Variants in ACAT2 observed in about 807,000 individuals in gnomAD.
ACAT2 encodes the protein acetyl-CoA acetyltransferase, cytosolic.
Under a neutral mutation model 37.1 loss-of-function variants are expected in ACAT2, and 26 were observed. That is an observed-to-expected ratio of 0.70 (90% CI 0.51 to 0.97). The LOEUF is 0.97. ACAT2 is among the 50% of genes least tolerant of loss of function. The pLI is 0.00. For missense variants in ACAT2, 468 were observed against 489.0 expected, an observed-to-expected ratio of 0.96 and a Z score of 0.40; for synonymous variants, 156 against 163.6, an observed-to-expected ratio of 0.95 and a Z score of 0.35.
chr6:159,771,487 G>T (rs1191888614), intron 4 of ACAT2, among the ~76,000 whole-genome samples: 5 of 152,042 alleles, frequency 3.3e-5, no homozygotes. Flanking sequence ...GAGAGAGAAT[G>T]GGGCAGAAAA....
chr6:159,765,347 C>G (rs987430613), intron 2 of ACAT2, among the ~76,000 whole-genome samples: 2 of 151,960 alleles, frequency 1.3e-5, no homozygotes, highest in African/African-American at 4.8e-5. Context: ...AACTTCTGAC[C>G]TCAAGTTATC....
At chr6:159,775,092 G>A in intron 4 of ACAT2, 78 bp from the exon 5 acceptor site, 1 of 1,521,276 alleles carries the variant, frequency 6.6e-7, no homozygotes, top group Admixed American at 1.8e-5. Flanking sequence ...TCAGTGCTTG[G>A]TCAAATGTGG....
intron 4 of ACAT2, among the ~76,000 whole-genome samples, chr6:159,770,712 A>G (rs1780321762): frequency 6.6e-6 from 1 of 152,224 alleles, no homozygotes; most frequent in African/African-American, 2.4e-5. Flanking sequence ...AAAAAGGGTC[A>G]GGAAGTTTGA....
At chr6:159,773,188 G>A (rs1398306977) in intron 4 of ACAT2, among the ~76,000 whole-genome samples, 1 of 152,156 alleles carries the variant, frequency 6.6e-6, no homozygotes, top group Non-Finnish European at 1.5e-5. Flanking sequence ...TTACAAATAC[G>A]GAAAGGGAGA....
At chr6:159,762,690 C>G in intron 1 of ACAT2, 1 of 1,503,742 alleles carries the variant, frequency 6.7e-7, no homozygotes, top group South Asian at 1.2e-5. Context: ...GCTACAGCGG[C>G]GTCCCTAGGC....
In ACAT2 at chr6:159,772,941, CA is replaced by C. The variant is rs386707767; in HGVS notation, c.491-2227del. On this transcript the variant is annotated intron_variant, in intron 4 of 8. Transcript: ENST00000367048. The stretch of plus-strand genomic sequence containing the variant: ...GCACCCAGATTGGAGTGCAGTGGCT[CA>C]ATCTTGGCTCACTGCAACCCCCACC... 5.7e-3 allele frequency among the ~76,000 whole-genome samples: 869 copies of C among 152,230 alleles called. 7 individuals carry two copies. Among genetic ancestry groups the C allele is most frequent in the African/African-American group, 0.02 (828 of 41,542 alleles).
Position 159,777,476 on chromosome 6 carries a change from CTTT to C in ACAT2, c.912+22_912+24del. On this transcript the variant is annotated intron_variant, in intron 7 of 8. Coordinates refer to ENST00000367048, the MANE Select transcript of ACAT2 (RefSeq NM_005891.3). ...CAAGCTGTGAGTATAACCCTATTCC[CTTT>C]TATGAAATTTGTCTTCCTGTTAGCC... The C allele has an allele frequency of 6.3e-7, 1 of 1,599,226 alleles. No homozygotes were observed. The highest frequency in any genetic ancestry group is 8.5e-7 in the Non-Finnish European group (1 of 1,174,248).
intron 1 of ACAT2, 124 bp downstream of exon 1, chr6:159,762,266 G>A: frequency 7.5e-7 from 1 of 1,326,434 alleles, no homozygotes; most frequent in Admixed American, 2.7e-5. Context: ...AAGCCGCGAG[G>A]AGCCGCGGGA....
chr6:159,762,382 G>T, intron 1 of ACAT2: 1 of 1,360,678 alleles, frequency 7.3e-7, no homozygotes, highest in Non-Finnish European at 9.6e-7. Flanking sequence ...TTGGCTCCCG[G>T]GGTAGAGCCA....
At position 159,768,613 on chromosome 6, in the gene ACAT2, C is replaced by A; in HGVS notation, c.475C>A (p.His159Asn). 1.2e-6 allele frequency: 2 copies of A among 1,606,468 alleles called. No individual in the cohort carries two copies. Among genetic ancestry groups the A allele is most frequent in the South Asian group, 2.2e-5 (2 of 90,860 alleles). ...DGLTDAFHNC[H>N]MGITAENVAK... ...TCTTACAGATGCATTTCACAACTGT[C>A]ATATGGGTATTACAGGTAAGGCAGA... is the stretch of plus-strand genomic sequence containing the variant. The change falls in exon 4 of 9, where the codon CAT becomes AAT. Residue 159 changes from histidine to asparagine, a missense_variant. Physicochemically the swap from His to Asn is moderately conservative, Grantham distance 68. Transcript: ENST00000367048.
chr6:159,776,335 T>G, intron 6 of ACAT2, 63 bp downstream of exon 6: 1 of 1,550,122 alleles, frequency 6.5e-7, no homozygotes, highest in South Asian at 1.2e-5. Flanking sequence ...CGAGTGAATA[T>G]TTTTCTCTTT....
chr6:159,764,137 C>T (rs181633795), intron 2 of ACAT2, among the ~76,000 whole-genome samples: 66 of 152,136 alleles, frequency 4.3e-4, no homozygotes, highest in Non-Finnish European at 8.1e-4. Context: ...GCAGGGCCAG[C>T]CTGACGCATA....
chr6:159,773,006 C>G (rs183864539), intron 4 of ACAT2, among the ~76,000 whole-genome samples: 4 of 152,162 alleles, frequency 2.6e-5, no homozygotes, highest in Admixed American at 6.5e-5. Context: ...GTACTCACCA[C>G]CATGCCTGGC....
At chr6:159,766,959 G>A (rs1275234874) in intron 2 of ACAT2, 46 bp from the exon 3 acceptor site, 2 of 1,606,486 alleles carry the variant, frequency 1.2e-6, no homozygotes, top group Admixed American at 1.7e-5. Context: ...GTGACATTTT[G>A]TCTTTCTCCT....
chr6:159,769,330 G>A (rs1436183390), intron 4 of ACAT2, among the ~76,000 whole-genome samples: 1 of 152,168 alleles, frequency 6.6e-6, no homozygotes, highest in African/African-American at 2.4e-5. Context: ...AGCCACAACA[G>A]AGAAGGCTAT....
At chr6:159,776,009 T>G in intron 5 of ACAT2, 141 bp from the exon 6 acceptor site, 1 of 853,702 alleles carries the variant, frequency 1.2e-6, no homozygotes, top group Non-Finnish European at 1.8e-6. Flanking sequence ...ACTTTCCTCC[T>G]GTTGTCATCA....
At chr6:159,766,558 C>T (rs1182157106) in intron 2 of ACAT2, among the ~76,000 whole-genome samples, 2 of 152,234 alleles carry the variant, frequency 1.3e-5, no homozygotes, top group African/African-American at 2.4e-5. Flanking sequence ...TGCGCCACCA[C>T]GCCTAGCTAA....
At chr6:159,763,642 T>G (rs1393785815) in intron 2 of ACAT2, among the ~76,000 whole-genome samples, 3 of 126,818 alleles carry the variant, frequency 2.4e-5, no homozygotes, top group African/African-American at 9.0e-5. Flanking sequence ...TTTTTTTTTT[T>G]TTTTTTTTTT....
chr6:159,772,821 A>AAAAG (rs1340617828), intron 4 of ACAT2, among the ~76,000 whole-genome samples: 11 of 151,356 alleles, frequency 7.3e-5, no homozygotes, highest in Admixed American at 1.3e-4. Context: ...AAAAAAAAAA[A>AAAAG]AAAGAAAGAA....
Sources: allele counts gnomAD v4.1 joint callset (sites outside exome capture counted in the v4.1 genomes callset), GRCh38; gene constraint gnomAD v4.1.1; transcripts MANE v1.5; gene names NCBI Gene and HGNC (gene_info 2026-07-23, HGNC 2026-07-21).